IMPG1: variants seen among roughly 807,000 people sequenced by gnomAD.
IMPG1 encodes interphotoreceptor matrix proteoglycan of 150 kDa.
IMPG1 carries 85 observed loss-of-function variants against 92.0 expected under a neutral mutation model. The ratio of observed to expected loss-of-function variants is 0.92; its 90% confidence interval spans 0.78 to 1.11. The LOEUF (loss-of-function observed/expected upper bound fraction) is 1.11, where lower values mean the gene tolerates loss of function less well. Ranked by LOEUF, IMPG1 falls within the 50% of genes least tolerant of loss-of-function variation. IMPG1 has a pLI of 0.00. For synonymous variants in IMPG1, 367 were observed against 334.1 expected, an observed-to-expected ratio of 1.10 and a Z score of -1.08; for missense variants, 1,022 against 956.0, an observed-to-expected ratio of 1.07 and a Z score of -0.91.
chr6:75,931,773 T>A (rs1222708064), intron 14 of IMPG1, among the ~76,000 whole-genome samples: 5 of 152,240 alleles, frequency 3.3e-5, no homozygotes. Context: ...TTCTTTCTTG[T>A]CATTAATTGT....
chr6:76,021,622 C>T (rs1783425612), intron 6 of IMPG1, among the ~76,000 whole-genome samples: 1 of 151,700 alleles, frequency 6.6e-6, no homozygotes, highest in South Asian at 2.1e-4. Flanking sequence ...GTTTTACACA[C>T]AGGATTTTGA....
intron 8 of IMPG1, among the ~76,000 whole-genome samples, chr6:76,008,182 A>C (rs1234792900): frequency 6.6e-6 from 1 of 152,212 alleles, no homozygotes; most frequent in Non-Finnish European, 1.5e-5. Context: ...ACATAGAAGG[A>C]AGTGTCAAAT....
At chr6:76,029,831 G>T (rs577740056) in intron 4 of IMPG1, among the ~76,000 whole-genome samples, 1 of 152,252 alleles carries the variant, frequency 6.6e-6, no homozygotes, top group East Asian at 1.9e-4. Context: ...TTATCTTGGT[G>T]TGTCACAAGA....
At chr6:76,016,870 G>C (rs1783298268) in intron 7 of IMPG1, among the ~76,000 whole-genome samples, 1 of 152,228 alleles carries the variant, frequency 6.6e-6, no homozygotes, top group Non-Finnish European at 1.5e-5. Context: ...TTCTCTAGGA[G>C]AAGCTCATAG....
chr6:75,932,609 T>G (rs1781683600), intron 14 of IMPG1, among the ~76,000 whole-genome samples: 1 of 152,180 alleles, frequency 6.6e-6, no homozygotes, highest in Non-Finnish European at 1.5e-5. Flanking sequence ...ATTTTCCCTA[T>G]GTTGTTATCA....
intron 4 of IMPG1, among the ~76,000 whole-genome samples, chr6:76,026,298 T>G (rs1783533678): frequency 6.6e-6 from 1 of 152,186 alleles, no homozygotes; most frequent in African/African-American, 2.4e-5. Context: ...TCCTGCAACA[T>G]TTTTTGGCGC....
chr6:76,018,275 C>T (rs1232885762), intron 7 of IMPG1, among the ~76,000 whole-genome samples: 1 of 152,102 alleles, frequency 6.6e-6, no homozygotes, highest in Non-Finnish European at 1.5e-5. Context: ...ACAATTGTAA[C>T]AATACACTAC....
intron 1 of IMPG1, among the ~76,000 whole-genome samples, chr6:76,045,441 C>CTT (rs10700038): frequency 0.34 from 41,328 of 122,280 alleles, 8,472 homozygotes; most frequent in South Asian, 0.44. Flanking sequence ...CAACCTCCAT[C>CTT]TTTTTTTTTT....
At chr6:76,024,243 T>A (rs1336632238) in intron 5 of IMPG1, among the ~76,000 whole-genome samples, 3 of 152,154 alleles carry the variant, frequency 2.0e-5, no homozygotes, top group African/African-American at 7.2e-5. Flanking sequence ...GAAAGTAATA[T>A]CATTTATTTA....
chr6:75,985,684 C>G (rs573432598), intron 12 of IMPG1, among the ~76,000 whole-genome samples: 1 of 152,232 alleles, frequency 6.6e-6, no homozygotes, highest in African/African-American at 2.4e-5. Flanking sequence ...ATTCCATTAT[C>G]TGGCTCCAGG....
chr6:76,020,227 A>T (rs574437272), intron 6 of IMPG1, among the ~76,000 whole-genome samples: 5 of 151,886 alleles, frequency 3.3e-5, no homozygotes, highest in Admixed American at 3.3e-4. Flanking sequence ...TAATTTTTAA[A>T]TTTTTTGTGA....
intron 1 of IMPG1, among the ~76,000 whole-genome samples, chr6:76,057,742 T>C (rs1165858873): frequency 6.6e-6 from 1 of 152,096 alleles, no homozygotes; most frequent in Non-Finnish European, 1.5e-5. Flanking sequence ...ATGCTAATGT[T>C]ATGTTAATGA....
At chr6:75,923,194 T>C (rs1781458615) in intron 16 of IMPG1, among the ~76,000 whole-genome samples, 1 of 152,108 alleles carries the variant, frequency 6.6e-6, no homozygotes, top group African/African-American at 2.4e-5. Context: ...GATGAACTTT[T>C]ACGAATTTTT....
chr6:75,944,120 G>A (rs1477929900), intron 14 of IMPG1, among the ~76,000 whole-genome samples: 1 of 152,162 alleles, frequency 6.6e-6, no homozygotes, highest in Non-Finnish European at 1.5e-5. Flanking sequence ...CTGATTACAT[G>A]GGTGAACCCA....
intron 14 of IMPG1, 57 bp downstream of exon 14, chr6:75,947,257 C>T (rs964455329): frequency 2.5e-5 from 33 of 1,343,322 alleles, no homozygotes; most frequent in Middle Eastern, 1.8e-4. Flanking sequence ...AAAAACAGAA[C>T]GAAATTAAAA....
rs201230378 is a variant in IMPG1 at position 76,041,905 on chromosome 6, A to G, written c.289T>C (p.Tyr97His). 13 of 1,597,710 alleles carry G rather than the reference A, an allele frequency of 8.1e-6. No homozygotes were observed. The highest frequency in any genetic ancestry group is 1.0e-5 in the Non-Finnish European group (12 of 1,165,208). The change falls in exon 2 of 17, where the codon TAT (tyrosine) becomes CAT (histidine). Residue 97 changes from tyrosine to histidine, a missense_variant. Tyr to His is a moderately conservative substitution (Grantham distance 83). This residue lies in a region of IMPG1 where 681 missense variants were observed against 583.6 expected (regional missense o/e 1.17). Transcript: ENST00000369950. ...KQILDSLQAY[Y>H]RLRVCQEAVW... is the part of the protein sequence containing the mutation. ...TCTCTTTCCTTACCTCTCAATCTATAATAAGCTTGAAGACTGTCTAAAATC... is the reference window on the plus strand; with the variant it reads ...TCTCTTTCCTTACCTCTCAATCTATGATAAGCTTGAAGACTGTCTAAAATC...
At chr6:75,935,026 G>A in intron 14 of IMPG1, 1 of 470,738 alleles carries the variant, frequency 2.1e-6, no homozygotes, top group Non-Finnish European at 4.4e-6. Flanking sequence ...GGGCTGGCTG[G>A]GCTGAGGTCC....
At chr6:76,013,098 G>A (rs1223559929) in intron 7 of IMPG1, among the ~76,000 whole-genome samples, 1 of 152,154 alleles carries the variant, frequency 6.6e-6, no homozygotes, top group Non-Finnish European at 1.5e-5. Context: ...AGAAGAAATG[G>A]TTTTCTGGGT....
intron 1 of IMPG1, among the ~76,000 whole-genome samples, chr6:76,070,079 C>T (rs1293016714): frequency 6.6e-6 from 1 of 152,152 alleles, no homozygotes; most frequent in Non-Finnish European, 1.5e-5. Context: ...CAAAACTCAG[C>T]ATCATGCAAT....
Sources: gnomAD v4.1 joint callset for allele counts (sites outside exome capture counted in the v4.1 genomes callset) on GRCh38, gnomAD v4.1.1 for gene constraint, gnomAD v4.1.1 regional missense constraint, MANE v1.5 for transcripts, NCBI Gene and HGNC (gene_info 2026-07-23, HGNC 2026-07-21) for gene names.